Variants in TNKS observed in about 807,000 individuals in gnomAD.
TNKS encodes the protein poly [ADP-ribose] polymerase tankyrase-1.
In TNKS, 72 loss-of-function variants were observed where a neutral mutation model predicts 135.8. The observed-to-expected ratio is 0.53, with a 90% CI of 0.44 to 0.64. The LOEUF (loss-of-function observed/expected upper bound fraction) is 0.64. Ranked by LOEUF, TNKS falls within the 30% of genes least tolerant of loss-of-function variation. The pLI, the probability that TNKS is intolerant of heterozygous loss-of-function variation, is 0.00. For missense variants in TNKS, 1,769 were observed against 1,674.0 expected (o/e 1.06, Z -0.99); for synonymous variants, 849 against 649.3 (o/e 1.31, Z -4.68).
chr8:9,711,360 C>T (rs952272663), intron 11 of TNKS, among the ~76,000 whole-genome samples: 1 of 152,156 alleles, frequency 6.6e-6, no homozygotes, highest in Non-Finnish European at 1.5e-5. Flanking sequence ...CAGTGGCAAA[C>T]TCACTTGTTT....
intron 20 of TNKS, among the ~76,000 whole-genome samples, chr8:9,760,177 T>A (rs1034418303): frequency 6.6e-6 from 1 of 152,326 alleles, no homozygotes; most frequent in East Asian, 1.9e-4. Context: ...CCTATTATTT[T>A]GTGAACTATT....
At chr8:9,610,773 T>G (rs1799433768) in intron 2 of TNKS, among the ~76,000 whole-genome samples, 1 of 152,254 alleles carries the variant, frequency 6.6e-6, no homozygotes, top group African/African-American at 2.4e-5. Context: ...ATTTTTAGCT[T>G]GGAAAATTCA....
chr8:9,569,907 G>C (rs567943991), intron 1 of TNKS, among the ~76,000 whole-genome samples: 1 of 151,964 alleles, frequency 6.6e-6, no homozygotes, highest in South Asian at 2.1e-4. Context: ...GCCTTAAAAA[G>C]TGTTTTTTTA....
chr8:9,752,488 T>A, intron 19 of TNKS, 56 bp from the exon 20 acceptor site: 1 of 1,380,274 alleles, frequency 7.2e-7, no homozygotes, highest in South Asian at 1.2e-5. Context: ...GATACTGAAA[T>A]TTTCTTTATA....
At chr8:9,629,069 A>C (rs1800179940) in intron 3 of TNKS, among the ~76,000 whole-genome samples, 1 of 152,184 alleles carries the variant, frequency 6.6e-6, no homozygotes, top group South Asian at 2.1e-4. Context: ...CTGCCAGCAA[A>C]CATTCTGATT....
chr8:9,758,513 A>T (rs957905615), intron 20 of TNKS, among the ~76,000 whole-genome samples: 1 of 152,234 alleles, frequency 6.6e-6, no homozygotes, highest in Non-Finnish European at 1.5e-5. Flanking sequence ...TGTGTAACAA[A>T]TTACCCAAAA....
At chr8:9,757,071 G>A (rs189258535) in intron 20 of TNKS, among the ~76,000 whole-genome samples, 6 of 152,154 alleles carry the variant, frequency 3.9e-5, no homozygotes, top group Admixed American at 1.3e-4. Flanking sequence ...CCGCCTCCCA[G>A]GTTCACACGA....
intron 3 of TNKS, chr8:9,658,475 A>T (rs1801531761): frequency 5.9e-6 from 4 of 679,920 alleles, no homozygotes; most frequent in Non-Finnish European, 2.3e-6. Flanking sequence ...TTTCATATCC[A>T]GCCAAACTAA....
At chr8:9,724,871 T>C (rs1805084463) in intron 12 of TNKS, among the ~76,000 whole-genome samples, 2 of 152,226 alleles carry the variant, frequency 1.3e-5, no homozygotes, top group Admixed American at 1.3e-4. Flanking sequence ...AGATATGTGT[T>C]CCAATTTCAA....
At chr8:9,715,748 C>T (rs1018383285) in intron 11 of TNKS, among the ~76,000 whole-genome samples, 1 of 152,190 alleles carries the variant, frequency 6.6e-6, no homozygotes, top group Non-Finnish European at 1.5e-5. Context: ...TGGAGCATTA[C>T]CCAATTCATT....
intron 21 of TNKS, among the ~76,000 whole-genome samples, chr8:9,762,341 G>T (rs1361354322): frequency 6.6e-6 from 1 of 152,194 alleles, no homozygotes; most frequent in African/African-American, 2.4e-5. Flanking sequence ...TTTTGTGCTT[G>T]AGTCTTGCTT....
chr8:9,564,872 G>A (rs1000895054), intron 1 of TNKS, among the ~76,000 whole-genome samples: 4 of 152,224 alleles, frequency 2.6e-5, no homozygotes, highest in South Asian at 4.1e-4. Flanking sequence ...AAACATACAC[G>A]AGAAAGAAAC....
intron 1 of TNKS, among the ~76,000 whole-genome samples, chr8:9,565,396 A>G (rs1797486594): frequency 6.6e-6 from 1 of 152,056 alleles, no homozygotes; most frequent in African/African-American, 2.4e-5. Context: ...AGATGTTTGG[A>G]CTTGTTTATT....
intron 11 of TNKS, chr8:9,710,436 C>G (rs1278511839): frequency 5.1e-6 from 3 of 588,776 alleles, no homozygotes; most frequent in Non-Finnish European, 9.0e-6. Flanking sequence ...TGTCACCCTT[C>G]TGTAAAGCAA....
intron 1 of TNKS, among the ~76,000 whole-genome samples, chr8:9,579,682 T>A (rs571878997): frequency 7.2e-5 from 11 of 152,166 alleles, no homozygotes; most frequent in Non-Finnish European, 1.5e-4. Context: ...TTGGCCAGGC[T>A]GGTCTTGAAC....
chr8:9,673,832 C>G (rs1026702038), intron 3 of TNKS, among the ~76,000 whole-genome samples: 1 of 152,056 alleles, frequency 6.6e-6, no homozygotes, highest in African/African-American at 2.4e-5. Flanking sequence ...ATAATAACTT[C>G]GTAGTTTGTC....
At chr8:9,584,468 G>A (rs1798292433) in intron 2 of TNKS, among the ~76,000 whole-genome samples, 1 of 152,100 alleles carries the variant, frequency 6.6e-6, no homozygotes, top group Non-Finnish European at 1.5e-5. Context: ...TTTAGTGTGG[G>A]CAGTGGCCTG....
At chr8:9,599,350 A>C (rs1798925815) in intron 2 of TNKS, among the ~76,000 whole-genome samples, 1 of 152,214 alleles carries the variant, frequency 6.6e-6, no homozygotes, top group Non-Finnish European at 1.5e-5. Flanking sequence ...CAAAGAGCCA[A>C]GCCGAGTTTG....
intron 2 of TNKS, among the ~76,000 whole-genome samples, chr8:9,597,871 A>C (rs573412561): frequency 9.8e-5 from 15 of 152,310 alleles, no homozygotes; most frequent in African/African-American, 2.9e-4. Flanking sequence ...TGGGAAGTGA[A>C]ATATGTGATT....
Sources: allele counts gnomAD v4.1 joint callset (sites outside exome capture counted in the v4.1 genomes callset), GRCh38; gene constraint gnomAD v4.1.1; transcripts MANE v1.5; gene names NCBI Gene and HGNC (gene_info 2026-07-23, HGNC 2026-07-21).